FRA10AC1: variants seen among roughly 807,000 people sequenced by gnomAD.
FRA10AC1 encodes FRA10A associated CGG repeat 1.
Under a neutral mutation model 56.5 loss-of-function variants are expected in FRA10AC1, and 43 were observed. The ratio of observed to expected loss-of-function variants is 0.76; its 90% CI spans 0.60 to 0.98. The LOEUF is 0.98. Among genes scored for constraint, FRA10AC1 ranks in the 50% least tolerant of loss-of-function variants. The pLI is 0.00. For synonymous variants in FRA10AC1, 112 were observed against 110.5 expected (o/e 1.01, Z -0.09); for missense variants, 346 against 351.8 (o/e 0.98, Z 0.13).
At chr10:93,670,581 C>T (rs1256535960) in intron 13 of FRA10AC1, among the ~76,000 whole-genome samples, 189 bp downstream of exon 13, 1 of 151,984 alleles carries the variant, frequency 6.6e-6, no homozygotes, top group Non-Finnish European at 1.5e-5. Flanking sequence ...ATTTATTTAC[C>T]AGGAGGAAGC....
Position 93,698,154 on chromosome 10 carries a change from A to C in FRA10AC1, c.201T>G (p.His67Gln), listed in dbSNP as rs763835906. 6.3e-7 allele frequency: 1 copy of C among 1,579,850 alleles called. No homozygotes were observed. The highest frequency in any genetic ancestry group is 8.6e-7 in the Non-Finnish European group (1 of 1,159,244). Residue 67 changes from histidine (H) to glutamine (Q), a missense_variant, in exon 4 of 14, where the codon CAT (histidine) becomes CAG (glutamine). Coordinates refer to ENST00000359204, the MANE Select transcript of FRA10AC1 (RefSeq NM_145246.5). ...DREEARNRRF[H>Q]LIAMDAYQRH... ...AGGATACAGCATCCATAGCTATGAG[A>C]TGAAACCTTCTATTTCTTGCTTCTT...
intron 11 of FRA10AC1, among the ~76,000 whole-genome samples, chr10:93,679,781 AC>A (rs1342907608): frequency 6.6e-6 from 1 of 152,160 alleles, no homozygotes; most frequent in Admixed American, 6.5e-5. Flanking sequence ...CAGAGGCGGA[AC>A]CCGTAAGGAG....
chr10:93,673,763 G>A (rs2058802135), intron 12 of FRA10AC1: 1 of 451,668 alleles, frequency 2.2e-6, no homozygotes, highest in African/African-American at 2.0e-5. Context: ...TACTTTACAT[G>A]TATGTTTTCT....
chr10:93,687,489 AAATT>A, intron 7 of FRA10AC1, 40 bp from the exon 8 acceptor site: 8 of 1,440,930 alleles, frequency 5.6e-6, no homozygotes, highest in Non-Finnish European at 7.5e-6. Context: ...ATGTAAATTT[AAATT>A]ATACAGAAAT....
Position 93,669,396 on chromosome 10 carries a change from C to G in FRA10AC1, c.*430G>C, listed in dbSNP as rs1425804342. The G allele has an allele frequency of 6.5e-6, 1 of 154,076 alleles. No individual in the cohort carries two copies. The highest frequency in any genetic ancestry group is 1.9e-4 in the East Asian group (1 of 5,256). The allele number at this position is 154,076 out of a possible 1,614,324, so 9.5% of individuals were successfully genotyped here. A position where few individuals can be genotyped will look rare whatever the true frequency, so the allele number is the denominator to read the frequency against. On this transcript the variant is annotated 3_prime_UTR_variant, in exon 14 of 14. Transcript: ENST00000359204. ...TACCAGCCTGGGCAACACAGGAGGA[C>G]TCCGTTTCCACAAAAGAAAAAAATG...
chr10:93,693,531 CATAT>C (rs397947381), intron 5 of FRA10AC1, among the ~76,000 whole-genome samples: 816 of 30,768 alleles, frequency 0.027, 76 homozygotes, highest in Middle Eastern at 0.053. Flanking sequence ...ATATATACAC[CATAT>C]ATATATATAT....
At chr10:93,670,920 C>T (rs1052329771) in intron 12 of FRA10AC1, 72 bp from the exon 13 acceptor site, 5 of 967,078 alleles carry the variant, frequency 5.2e-6, no homozygotes, top group South Asian at 4.2e-5. Flanking sequence ...TTCGCCAATA[C>T]AATTAACTTT....
chr10:93,701,078 C>T (rs559805426), intron 1 of FRA10AC1, among the ~76,000 whole-genome samples: 1 of 152,242 alleles, frequency 6.6e-6, no homozygotes, highest in African/African-American at 2.4e-5. Flanking sequence ...TTGAGCAATC[C>T]GTCCACCTCA....
At chr10:93,698,211 C>A in intron 3 of FRA10AC1, 30 bp from the exon 4 acceptor site, 1 of 1,533,030 alleles carries the variant, frequency 6.5e-7, no homozygotes, top group South Asian at 1.2e-5. Context: ...TAAGAAAATT[C>A]AAAATGTTTA....
intron 12 of FRA10AC1, chr10:93,675,062 G>T (rs987131640): frequency 3.3e-5 from 5 of 152,142 alleles, no homozygotes; most frequent in African/African-American, 1.2e-4. Context: ...TTTACGTGGA[G>T]AGAAAGAGTC....
At chr10:93,692,775 C>A (rs1328834608) in intron 5 of FRA10AC1, 46 bp from the exon 6 acceptor site, 4 of 1,289,618 alleles carry the variant, frequency 3.1e-6, no homozygotes, top group South Asian at 2.8e-5. Flanking sequence ...CAAAAGTAGT[C>A]AAATTTAGGT....
At chr10:93,673,506 T>C (rs1286368765) in intron 12 of FRA10AC1, 1 of 373,000 alleles carries the variant, frequency 2.7e-6, no homozygotes, top group African/African-American at 2.1e-5. Context: ...TTTTGAATAA[T>C]GAAAGTAGGT....
chr10:93,693,825 T>C (rs904897197), intron 5 of FRA10AC1, among the ~76,000 whole-genome samples: 2 of 151,544 alleles, frequency 1.3e-5, no homozygotes, highest in African/African-American at 2.4e-5. Flanking sequence ...AACTCAGGAA[T>C]GGAAAATCAA....
Position 93,669,834 on chromosome 10 carries a change from A to G in FRA10AC1, c.940T>C (p.Phe314Leu). ...EEFDEYFQDL[F>L]L is the part of the protein sequence containing the mutation. ...GGCTTCTCTCTCTCGTCTCATAGAA[A>G]CAAATCCTGAAAATACTCATCAAAT... The change falls in exon 14 of 14, where the codon TTT (phenylalanine) becomes CTT (leucine). Residue 314 changes from phenylalanine (F) to leucine (L), a missense_variant. Coordinates refer to ENST00000359204, the MANE Select transcript of FRA10AC1 (RefSeq NM_145246.5). The G allele has an allele frequency of 6.3e-7, 1 of 1,583,846 alleles. No homozygotes were observed. Among genetic ancestry groups the G allele is most frequent in the Non-Finnish European group, 8.6e-7 (1 of 1,159,776 alleles).
intron 4 of FRA10AC1, among the ~76,000 whole-genome samples, chr10:93,697,220 A>G (rs537060099): frequency 1.3e-5 from 2 of 152,234 alleles, no homozygotes; most frequent in African/African-American, 2.4e-5. Context: ...GGTGCCCCCA[A>G]TGCAGTAGGT....
chr10:93,694,232 A>G (rs2059189614), intron 5 of FRA10AC1, among the ~76,000 whole-genome samples: 1 of 152,174 alleles, frequency 6.6e-6, no homozygotes, highest in African/African-American at 2.4e-5. Context: ...CCAAACATCA[A>G]GGTATAAAAA....
In FRA10AC1 at chr10:93,687,415, A is replaced by G; in HGVS notation, c.500T>C (p.Ile167Thr). 6.6e-7 allele frequency: 1 copy of G among 1,514,092 alleles called. No homozygotes were observed. Among genetic ancestry groups the G allele is most frequent in the South Asian group, 1.2e-5 (1 of 82,698 alleles). The allele number at this position is 1,514,092 out of a possible 1,614,324, so 93.8% of individuals were successfully genotyped here. Reference protein sequence around the residue: ...GFRWRVEKEVISGKGQFFCGN... With the variant: ...GFRWRVEKEVTSGKGQFFCGN... Reference sequence around the variant, plus strand: ...TTTTAAAGAATTACCTTTTCCTGAAATTACTTCTTTTTCTACTCGCCACCT... The same window carrying G: ...TTTTAAAGAATTACCTTTTCCTGAAGTTACTTCTTTTTCTACTCGCCACCT... Residue 167 changes from isoleucine (I) to threonine (T), a missense_variant, in exon 8 of 14, where the codon ATT (isoleucine) becomes ACT (threonine). Transcript: ENST00000359204.
chr10:93,701,745 C>G (rs939184394), intron 1 of FRA10AC1, among the ~76,000 whole-genome samples: 4 of 152,146 alleles, frequency 2.6e-5, no homozygotes, highest in African/African-American at 7.2e-5. Context: ...ATATTGTCCT[C>G]TCACTCTTTG....
chr10:93,698,490 G>A (rs2059272991), intron 2 of FRA10AC1, 94 bp from the exon 3 acceptor site: 3 of 680,094 alleles, frequency 4.4e-6, no homozygotes, highest in African/African-American at 1.8e-5. Context: ...TTTAAAGAAT[G>A]TAAGTCTTAA....
Sources: gnomAD v4.1 joint callset for allele counts (sites outside exome capture counted in the v4.1 genomes callset) on GRCh38, gnomAD v4.1.1 for gene constraint, MANE v1.5 for transcripts, NCBI Gene and HGNC (gene_info 2026-07-23, HGNC 2026-07-21) for gene names.